The following CARM1 variants were observed in gnomAD, a reference collection of about 807,000 sequenced individuals.
CARM1 encodes histone-arginine methyltransferase CARM1.
CARM1 carries 14 observed loss-of-function variants against 72.7 expected under a neutral mutation model. The ratio of observed to expected loss-of-function variants is 0.19; its 90% CI spans 0.13 to 0.30. CARM1 has a LOEUF of 0.30. Ranked by LOEUF, CARM1 falls within the 10% of genes least tolerant of loss-of-function variation. The probability of loss-of-function intolerance (pLI) is 1.00; values close to 1 mark genes in which losing one functional copy is unlikely to be tolerated. For missense variants in CARM1, 432 were observed against 833.7 expected (o/e 0.52, Z 5.93); for synonymous variants, 333 against 345.5 (o/e 0.96, Z 0.40).
chr19:10,901,430 CCT>C (rs1174673343), intron 1 of CARM1, among the ~76,000 whole-genome samples: 1 of 152,070 alleles, frequency 6.6e-6, no homozygotes, highest in African/African-American at 2.4e-5. Flanking sequence ...AATCCTTCCA[CCT>C]CAGCCTCCCG....
At chr19:10,889,598 G>A (rs1051175644) in intron 1 of CARM1, among the ~76,000 whole-genome samples, 1 of 151,748 alleles carries the variant, frequency 6.6e-6, no homozygotes, top group African/African-American at 2.4e-5. Flanking sequence ...CAAAGTGCTG[G>A]GATTACAGGC....
chr19:10,888,729 C>T lies in CARM1; in HGVS notation c.221-16222C>T, dbSNP rs185295020. Among the ~76,000 whole-genome samples, 377 of 152,352 alleles carry T rather than the reference C, an allele frequency of 2.5e-3. 3 individuals carry two copies. The highest frequency in any genetic ancestry group is 8.5e-3 in the African/African-American group (353 of 41,582). ...GCTGTGGAACCCCAGCTCACATCTG[C>T]TGTCTCTTTTGTAGTGCACAAAGCC... On this transcript the variant is annotated intron_variant, in intron 1 of 15. Coordinates refer to ENST00000327064, the MANE Select transcript of CARM1 (RefSeq NM_199141.2).
chr19:10,909,528 G>T (rs2145228472), intron 4 of CARM1, among the ~76,000 whole-genome samples: 1 of 152,192 alleles, frequency 6.6e-6, no homozygotes, highest in Middle Eastern at 3.4e-3. Flanking sequence ...AAGGTCAGGA[G>T]ATCGAGACCA....
chr19:10,920,465 C>T lies in CARM1; in HGVS notation c.1226C>T (p.Thr409Ile). 2 of 1,613,354 alleles carry T rather than the reference C, an allele frequency of 1.2e-6. No homozygotes were observed. The highest frequency in any genetic ancestry group is 1.7e-6 in the Non-Finnish European group (2 of 1,179,474). ...ACCGTGTGGCTGTCCACAGCCCCGA[C>T]AGAGCCCCTGACCCACTGGTACCAG... ...IMTVWLSTAP[T>I]EPLTHWYQVR... Residue 409 changes from threonine to isoleucine, a missense_variant, in exon 11 of 16, where the codon ACA becomes ATA. Thr to Ile is a moderately conservative substitution (Grantham distance 89). Coordinates refer to ENST00000327064, the MANE Select transcript of CARM1 (RefSeq NM_199141.2). This position sits in a 1 kb window ranked among gnomAD's most constrained non-coding sequence, Gnocchi z 5.3.
intron 1 of CARM1, among the ~76,000 whole-genome samples, chr19:10,900,146 C>T (rs1347982379): frequency 6.6e-6 from 1 of 151,952 alleles, no homozygotes; most frequent in Non-Finnish European, 1.5e-5. Flanking sequence ...CTCATTTCTA[C>T]AAAAAAATAA....
In CARM1 at chr19:10,908,049, C is replaced by T. The variant is rs1422973701; in HGVS notation, c.357C>T (p.Ser119=). 1.9e-6 allele frequency: 3 copies of T among 1,613,492 alleles called. No individual in the cohort carries two copies. Among genetic ancestry groups the T allele is most frequent in the African/African-American group, 1.3e-5 (1 of 74,906 alleles). Residue 119 remains serine, a synonymous_variant, in exon 3 of 16, where the codon TCC becomes TCT. Transcript: ENST00000327064. ...GCTTCCCTGTTCCAGATTTCTGTTC[C>T]TTCTACAACATCCTGAAAACCTGCC... ...IQFATPNDFC[S]FYNILKTCRG...
At chr19:10,899,448 C>A (rs1417406074) in intron 1 of CARM1, among the ~76,000 whole-genome samples, 1 of 152,220 alleles carries the variant, frequency 6.6e-6, no homozygotes, top group Non-Finnish European at 1.5e-5. Flanking sequence ...GATGTCCCTT[C>A]CTGGGACCCA....
At chr19:10,890,772 CACATATATATAT>C (rs2073980260) in intron 1 of CARM1, among the ~76,000 whole-genome samples, 1 of 38,286 alleles carries the variant, frequency 2.6e-5, no homozygotes, top group African/African-American at 1.1e-4. Context: ...TATACACACA[CACATATATATAT>C]ATATATATAT....
Position 10,920,535 on chromosome 19 carries a change from C to T in CARM1, c.1296C>T (p.Asp432=), listed in dbSNP as rs1267859895. 5.6e-6 allele frequency: 9 copies of T among 1,613,990 alleles called. No individual in the cohort carries two copies. In the East Asian group the frequency reaches 1.8e-4, roughly 32 times the overall value. The change falls in exon 11 of 16, where the codon GAC becomes GAT. Residue 432 remains aspartate (D), a synonymous_variant. Coordinates refer to ENST00000327064, the MANE Select transcript of CARM1 (RefSeq NM_199141.2). The surrounding 1 kb of genome is among the most constrained non-coding windows in gnomAD (Gnocchi z 5.3). ...FQSPLFAKAG[D]TLSGTCLLIA... ...CACCACTGTTCGCCAAGGCAGGGGA[C>T]ACGCTCTCAGGGACATGTCTGCTTA...
chr19:10,905,885 C>G (rs1463171499), intron 2 of CARM1, among the ~76,000 whole-genome samples: 3 of 151,678 alleles, frequency 2.0e-5, no homozygotes, highest in African/African-American at 7.3e-5. Flanking sequence ...AAGTGAGCCA[C>G]CTGCCTCAGC....
intron 1 of CARM1, among the ~76,000 whole-genome samples, chr19:10,885,509 G>A (rs924150733): frequency 3.3e-5 from 5 of 152,154 alleles, no homozygotes; most frequent in African/African-American, 9.7e-5. Flanking sequence ...TACTCCTGGC[G>A]AGGACTGCAG....
At chr19:10,873,071 C>T (rs2073832615) in intron 1 of CARM1, among the ~76,000 whole-genome samples, 1 of 152,104 alleles carries the variant, frequency 6.6e-6, no homozygotes, top group Non-Finnish European at 1.5e-5. Context: ...CCTGGGTCTT[C>T]TTGGACCAGA....
In CARM1 at chr19:10,921,618, C is replaced by A; in HGVS notation, c.1688C>A (p.Ser563Tyr). 4 of 1,610,580 alleles carry A rather than the reference C, an allele frequency of 2.5e-6. No homozygotes were observed. The highest frequency in any genetic ancestry group is 1.1e-5 in the South Asian group (1 of 90,884). The change falls in exon 16 of 16, where the codon TCC (serine) becomes TAC (tyrosine). Residue 563 changes from serine to tyrosine, a missense_variant. This residue lies in a region of CARM1 where 142 missense variants were observed against 188.7 expected (regional missense o/e 0.75). Transcript: ENST00000327064. ...ACTGCCATTGCCTGCTCCACAGGGT[C>A]CTCCGGCGCCCAGGGCAGTGGTGGT... is the stretch of plus-strand genomic sequence containing the variant. ...SIMSTGIVQGSSGAQGSGGGS... is the reference protein window; with the variant it reads ...SIMSTGIVQGYSGAQGSGGGS...
intron 8 of CARM1, among the ~76,000 whole-genome samples, chr19:10,918,280 G>A (rs1452594761): frequency 6.6e-6 from 1 of 152,068 alleles, no homozygotes; most frequent in Non-Finnish European, 1.5e-5. Flanking sequence ...GAGTACAGTG[G>A]CTCAATCACT....
At chr19:10,879,867 G>C (rs190156958) in intron 1 of CARM1, among the ~76,000 whole-genome samples, 109 of 152,204 alleles carry the variant, frequency 7.2e-4, no homozygotes, top group Non-Finnish European at 1.2e-3. Flanking sequence ...CATCTGCCTT[G>C]GCCTCCCAAA....
At position 10,920,612 on chromosome 19, in the gene CARM1, G is replaced by C; in HGVS notation, c.1334+39G>C. On this transcript the variant is annotated intron_variant, in intron 11 of 15. Coordinates refer to ENST00000327064, the MANE Select transcript of CARM1 (RefSeq NM_199141.2). This position sits in a 1 kb window ranked among gnomAD's most constrained non-coding sequence, Gnocchi z 5.3. ...CTGGGGCTGGTGGTGGTGGGCAGGG[G>C]TCCATCTGCCCAGCAGCTCATGCCA... is the stretch of plus-strand genomic sequence containing the variant. The C allele has an allele frequency of 1.2e-6, 2 of 1,613,982 alleles. No homozygotes were observed. Among genetic ancestry groups the C allele is most frequent in the East Asian group, 2.2e-5 (1 of 44,880 alleles).
chr19:10,890,787 ATATATATATTTTTTT>A (rs1444356137), intron 1 of CARM1, among the ~76,000 whole-genome samples: 3 of 94,170 alleles, frequency 3.2e-5, no homozygotes, highest in African/African-American at 1.6e-4. Context: ...ATATATATAT[ATATATATATTTTTTT>A]TTTTTTTTTT....
rs531185559 is a variant in CARM1 at position 10,884,023 on chromosome 19, T to G, written c.220+12101T>G. Among the ~76,000 whole-genome samples, 569 of 147,038 alleles carry G rather than the reference T, an allele frequency of 3.9e-3. 3 individuals are homozygous for G. The highest frequency in any genetic ancestry group is 5.6e-3 in the Non-Finnish European group (372 of 66,658). On this transcript the variant is annotated intron_variant, in intron 1 of 15. Transcript: ENST00000327064. Reference sequence around the variant, plus strand: ...ACAGAGCGAGACTCTGTTTTTTTTTTTTTTTTTCGTTTTTTGTTTTTTGTT... The same window carrying G: ...ACAGAGCGAGACTCTGTTTTTTTTTGTTTTTTTCGTTTTTTGTTTTTTGTT...
At chr19:10,883,395 G>C (rs376888965) in intron 1 of CARM1, among the ~76,000 whole-genome samples, 3 of 152,266 alleles carry the variant, frequency 2.0e-5, no homozygotes, top group Admixed American at 6.5e-5. Context: ...TAGTTTATCT[G>C]TCCCAGGGGC....
Sources: allele counts gnomAD v4.1 joint callset (sites outside exome capture counted in the v4.1 genomes callset), GRCh38; gene constraint gnomAD v4.1.1; regional missense constraint gnomAD v4.1.1; non-coding constraint Gnocchi (gnomAD v3.1); transcripts MANE v1.5; gene names NCBI Gene and HGNC (gene_info 2026-07-23, HGNC 2026-07-21).